The following MTCL1 variants were observed in gnomAD, a reference collection of about 807,000 sequenced individuals.
MTCL1 encodes microtubule crosslinking factor 1.
In MTCL1, 79 loss-of-function variants were observed where a neutral mutation model predicts 141.4. The ratio of observed to expected loss-of-function variants is 0.56; its 90% CI spans 0.47 to 0.67. The LOEUF is 0.67. Ranked by LOEUF, MTCL1 falls within the 30% of genes least tolerant of loss-of-function variation. The pLI, the probability that MTCL1 is intolerant of heterozygous loss-of-function variation, is 0.00. For missense variants in MTCL1, 2,177 were observed against 2,113.9 expected (o/e 1.03, Z -0.59); for synonymous variants, 914 against 875.8 (o/e 1.04, Z -0.77).
intron 15 of MTCL1, among the ~76,000 whole-genome samples, chr18:8,826,465 C>T (rs534510419): frequency 1.5e-5 from 2 of 135,834 alleles, no homozygotes; most frequent in African/African-American, 2.8e-5. Flanking sequence ...TCATATAGTA[C>T]ATGGTTTGAT....
At chr18:8,782,911 C>T (rs1183216267) in intron 5 of MTCL1, among the ~76,000 whole-genome samples, 1 of 152,120 alleles carries the variant, frequency 6.6e-6, no homozygotes, top group Non-Finnish European at 1.5e-5. Flanking sequence ...CTGGGGAGAC[C>T]GGGATGGGGA....
chr18:8,731,687 A>T (rs2096251463), intron 4 of MTCL1, among the ~76,000 whole-genome samples: 1 of 151,848 alleles, frequency 6.6e-6, no homozygotes, highest in African/African-American at 2.4e-5. Flanking sequence ...TATGGGAAAA[A>T]TAGAAACTAC....
chr18:8,828,006 T>C lies in MTCL1; in HGVS notation c.4723-902T>C, dbSNP rs2077079135. On this transcript the variant is annotated intron_variant, in intron 15 of 16. Transcript: ENST00000359865. This position sits in a 1 kb window ranked among gnomAD's most constrained non-coding sequence, Gnocchi z 5.2. ...GGGCCTCAGAGCGGGCATGGAGCAC[T>C]CATCGGCAGCATCTAAATGCCACGG... 6.6e-6 allele frequency among the ~76,000 whole-genome samples: 1 copy of C among 152,228 alleles called. No individual in the cohort carries two copies. Among genetic ancestry groups the C allele is most frequent in the Non-Finnish European group, 1.5e-5 (1 of 68,046 alleles).
At chr18:8,808,022 A>C (rs1183652490) in intron 11 of MTCL1, among the ~76,000 whole-genome samples, 1 of 151,864 alleles carries the variant, frequency 6.6e-6, no homozygotes, top group Non-Finnish European at 1.5e-5. Flanking sequence ...AAAAAAAAAA[A>C]ACTCCAGCTC....
Position 8,830,804 on chromosome 18 carries a change from G to A in MTCL1, c.*19-803G>A. The A allele has an allele frequency of 1.0e-6, 1 of 985,380 alleles. No homozygotes were observed. The highest frequency in any genetic ancestry group is 1.2e-6 in the Non-Finnish European group (1 of 829,934). 61.0% of individuals were successfully genotyped at this position (985,380 alleles called of 1,614,324 possible). ...TTCCAAATTTGGGTGTCCTGGTTTT[G>A]TAACATGTAAGGACAAGGAGCTCAA... On this transcript the variant is annotated intron_variant, in intron 16 of 16. Coordinates refer to ENST00000359865, the Ensembl canonical transcript of MTCL1. This position sits in a 1 kb window ranked among gnomAD's most constrained non-coding sequence, Gnocchi z 6.4.
intron 11 of MTCL1, among the ~76,000 whole-genome samples, chr18:8,812,249 T>C (rs1362361871): frequency 1.3e-5 from 2 of 152,256 alleles, no homozygotes; most frequent in East Asian, 3.8e-4. Flanking sequence ...CTTTTTCATT[T>C]CCTGAAGTAC....
At chr18:8,732,749 C>T (rs2096256920) in intron 4 of MTCL1, among the ~76,000 whole-genome samples, 1 of 152,134 alleles carries the variant, frequency 6.6e-6, no homozygotes, top group Non-Finnish European at 1.5e-5. Flanking sequence ...AGGATGGACC[C>T]CAGGTGCTGG....
At chr18:8,744,866 C>G (rs1039862711) in intron 4 of MTCL1, among the ~76,000 whole-genome samples, 1 of 152,192 alleles carries the variant, frequency 6.6e-6, no homozygotes, top group Non-Finnish European at 1.5e-5. Flanking sequence ...TGCCCTCCAC[C>G]CCCCGGAAGT....
intron 10 of MTCL1, among the ~76,000 whole-genome samples, chr18:8,803,635 T>G (rs923895990): frequency 1.3e-5 from 2 of 152,190 alleles, no homozygotes; most frequent in Admixed American, 1.3e-4. Flanking sequence ...GGAATGATGA[T>G]AACAGGTACC....
intron 7 of MTCL1, among the ~76,000 whole-genome samples, chr18:8,788,977 T>TA (rs1315738983): frequency 6.6e-6 from 1 of 152,164 alleles, no homozygotes; most frequent in African/African-American, 2.4e-5. Flanking sequence ...TCACATTTGT[T>TA]AAGAGAGAGT....
chr18:8,824,689 C>A lies in MTCL1; in HGVS notation c.3189-10C>A. The A allele has an allele frequency of 1.3e-6, 2 of 1,598,206 alleles. No homozygotes were observed. The highest frequency in any genetic ancestry group is 1.1e-5 in the South Asian group (1 of 87,654). ...GCAGGTACTGACACCCTCTTTTCTG[C>A]TTTTCCCAGGGCGGTGTCCGTGTCC... On this transcript the variant is annotated splice_polypyrimidine_tract_variant and intron_variant, in intron 14 of 16. Transcript: ENST00000359865.
intron 4 of MTCL1, among the ~76,000 whole-genome samples, chr18:8,721,554 C>T (rs573325519): frequency 3.9e-5 from 6 of 152,216 alleles, no homozygotes; most frequent in African/African-American, 9.6e-5. Flanking sequence ...TGCATGCCCT[C>T]GCTGGAATGT....
intron 4 of MTCL1, among the ~76,000 whole-genome samples, chr18:8,759,982 A>G (rs985280138): frequency 9.3e-5 from 14 of 150,832 alleles, no homozygotes; most frequent in African/African-American, 3.2e-4. Flanking sequence ...CATCGGGGCT[A>G]TGCTGTAAAG....
At chr18:8,770,609 C>T (rs1204062098) in intron 4 of MTCL1, among the ~76,000 whole-genome samples, 4 of 152,080 alleles carry the variant, frequency 2.6e-5, no homozygotes, top group African/African-American at 7.2e-5. Context: ...AATACCAGCA[C>T]GTTGAGAATT....
chr18:8,784,804 C>G (rs1327210649), exon 6 of MTCL1: 5 of 1,607,440 alleles, frequency 3.1e-6, no homozygotes, highest in Non-Finnish European at 4.3e-6. Flanking sequence ...GGGACTCCCC[C>G]ATCGGGAACC....
intron 4 of MTCL1, among the ~76,000 whole-genome samples, chr18:8,751,267 G>A (rs1254052914): frequency 6.6e-6 from 1 of 152,206 alleles, no homozygotes; most frequent in Non-Finnish European, 1.5e-5. Context: ...TGTGTGTTCT[G>A]TCAAAAGAAG....
At position 8,705,744 on chromosome 18, in the gene MTCL1, C is replaced by T; in HGVS notation, c.84C>T (p.His28=). The T allele has an allele frequency of 8.3e-7, 1 of 1,204,998 alleles. No homozygotes were observed. The allele number at this position is 1,204,998 out of a possible 1,614,324, so 74.6% of individuals were successfully genotyped here. ...CCGGCCAGCACCACCGCCACCACCA[C>T]CTCCACCCGGTGGCCGAAAGGCGGC... The change falls in exon 1 of 14, where the codon CAC becomes CAT. Residue 28 remains histidine, a synonymous_variant. Coordinates refer to the MTCL1 transcript ENST00000306329. The surrounding 1 kb of genome is among the most constrained non-coding windows in gnomAD (Gnocchi z 5.2).
chr18:8,713,980 C>T (rs749651555), upstream of MTCL1, among the ~76,000 whole-genome samples: 3 of 152,118 alleles, frequency 2.0e-5, no homozygotes, highest in Non-Finnish European at 2.9e-5. Context: ...ATATCTTTAC[C>T]GCACGTTGCA....
chr18:8,758,386 A>C (rs1056063663), intron 4 of MTCL1, among the ~76,000 whole-genome samples: 1 of 152,128 alleles, frequency 6.6e-6, no homozygotes, highest in Non-Finnish European at 1.5e-5. Flanking sequence ...CTTTCCACTC[A>C]TCTAGTCATG....
Sources: allele counts gnomAD v4.1 joint callset (sites outside exome capture counted in the v4.1 genomes callset), GRCh38; gene constraint gnomAD v4.1.1; non-coding constraint Gnocchi (gnomAD v3.1); transcripts MANE v1.5; gene names NCBI Gene and HGNC (gene_info 2026-07-23, HGNC 2026-07-21).